The following SBSN variants were observed in gnomAD, a reference collection of about 807,000 sequenced individuals.
SBSN encodes the protein suprabasin, also known as HLAR698.
SBSN carries 33 observed loss-of-function variants against 42.8 expected under a neutral mutation model. That is an observed-to-expected ratio of 0.77 (90% confidence interval 0.58 to 1.03). The LOEUF is 1.03. Ranked by LOEUF, SBSN falls within the 50% of genes least tolerant of loss-of-function variation. SBSN has a pLI of 0.00. For missense variants in SBSN, 646 were observed against 757.3 expected, an observed-to-expected ratio of 0.85 and a Z score of 1.72; for synonymous variants, 276 against 307.0, an observed-to-expected ratio of 0.90 and a Z score of 1.06.
rs756463723 is a variant in SBSN, at chr19:35,528,304, A to G, written c.-23T>C. 6.3e-6 allele frequency: 10 copies of G among 1,577,228 alleles called. No homozygotes were observed. The East Asian group carries it at 2.0e-4, about 32-fold the overall frequency. ...CATATTGCTGGGAAGGTCGGGAAGG[A>G]TGCAGAGAGGAGCCAGGGAAGCCAC... On this transcript the variant is annotated 5_prime_UTR_variant, in exon 1 of 4. Transcript: ENST00000452271.
chr19:35,526,862 C>G lies in SBSN; in HGVS notation c.1420G>C (p.Asp474His). 1 of 1,613,690 alleles carries G rather than the reference C, an allele frequency of 6.2e-7. No homozygotes were observed. Among genetic ancestry groups the G allele is most frequent in the Non-Finnish European group, 8.5e-7 (1 of 1,179,904 alleles). The stretch of plus-strand genomic sequence containing the variant: ...GTGTGGAACCCTTGGACCGCTTTGT[C>G]TGCTTCCTTCCCGGCCTGTTCAAGG... ...HTLEQAGKEA[D>H]KAVQGFHTGV... The change falls in exon 1 of 4, where the codon GAC becomes CAC. Residue 474 changes from aspartate to histidine, a missense_variant. Asp to His is a moderately conservative substitution (Grantham distance 81). Transcript: ENST00000452271.
rs956867033 is a variant in SBSN at position 35,525,094 on chromosome 19, C to T, written c.1639-170G>A. On this transcript the variant is annotated intron_variant, in intron 1 of 3. Coordinates refer to ENST00000452271, the MANE Select transcript of SBSN (RefSeq NM_001166034.2). The stretch of plus-strand genomic sequence containing the variant: ...GAAGAAAACCCAAAGCCCGTGCTCG[C>T]GTGGGCATTCTGCCTCCTGCTGCCT... 3.3e-5 allele frequency among the ~76,000 whole-genome samples: 5 copies of T among 152,186 alleles called. No individual in the cohort carries two copies. The South Asian group carries it at 6.2e-4, about 19-fold the overall frequency.
At position 35,524,742 on chromosome 19, in the gene SBSN, G is replaced by A. The variant is rs772776789; in HGVS notation, c.1718C>T (p.Thr573Met). 1.6e-5 allele frequency: 26 copies of A among 1,614,008 alleles called. No individual in the cohort carries two copies. The highest frequency in any genetic ancestry group is 2.7e-5 in the African/African-American group (2 of 74,992). ...CAGGGCGGGAAGGTTGATGAAAGGCGTGTTGACCGAGGCCTGCAATTCAAG... is the reference window on the plus strand; with the variant it reads ...CAGGGCGGGAAGGTTGATGAAAGGCATGTTGACCGAGGCCTGCAATTCAAG... ...TPLASGASVN[T>M]PFINLPALWR... Residue 573 changes from threonine (T) to methionine (M), a missense_variant, in exon 3 of 4, where the codon ACG becomes ATG. Physicochemically the swap from Thr to Met is moderately conservative, Grantham distance 81. Transcript: ENST00000452271.
rs12461911 is a variant in SBSN at position 35,527,370 on chromosome 19, C to T, written c.912G>A (p.Ala304=). Residue 304 remains alanine (A), a synonymous_variant, in exon 1 of 4, where the codon GCG becomes GCA. Transcript: ENST00000452271. ...EKFGQGAHHA[A]GQAGNEAGRF... ...TCCCTGCCTCATTTCCGGCCTGCCC[C>T]GCAGCATGGTGGGCCCCCTGGCCAA... 221,302 of 1,468,596 alleles carry T rather than the reference C, an allele frequency of 0.15. 21,630 individuals carry two copies. Among genetic ancestry groups the T allele is most frequent in the East Asian group, 0.41 (15,266 of 37,394 alleles). The allele number at this position is 1,468,596 out of a possible 1,614,324, so 91.0% of individuals were successfully genotyped here.
In SBSN at chr19:35,526,943, C is replaced by A; in HGVS notation, c.1339G>T (p.Gly447Trp). 1 of 1,582,998 alleles carries A rather than the reference C, an allele frequency of 6.3e-7. No individual in the cohort carries two copies. Among genetic ancestry groups the A allele is most frequent in the East Asian group, 2.3e-5 (1 of 43,146 alleles). The part of the protein sequence containing the change: ...GDIAVHGVQP[G>W]VHEAGKEAGQ... The stretch of plus-strand genomic sequence containing the variant: ...GCCTCCTTCCCGGCCTCGTGGACCC[C>A]AGGTTGGACACCATGAACTGCTATG... The change falls in exon 1 of 4, where the codon GGG becomes TGG. Residue 447 changes from glycine (G) to tryptophan (W), a missense_variant. Coordinates refer to ENST00000452271, the MANE Select transcript of SBSN (RefSeq NM_001166034.2).
Position 35,526,691 on chromosome 19 carries a change from G to C in SBSN, c.1591C>G (p.His531Asp). The change falls in exon 1 of 4, where the codon CAT (histidine) becomes GAT (aspartate). Residue 531 changes from histidine to aspartate, a missense_variant. His to Asp is a moderately conservative substitution (Grantham distance 81, BLOSUM62 -1). This residue lies in a region of SBSN where 236 missense variants were observed against 225.6 expected (regional missense o/e 1.05). Coordinates refer to ENST00000452271, the MANE Select transcript of SBSN (RefSeq NM_001166034.2). Reference protein sequence around the residue: ...GQAGKELQNAHNGVNQASKEA... With the variant: ...GQAGKELQNADNGVNQASKEA... Reference sequence around the variant, plus strand: ...TTGCTGGCTTGGTTGACCCCATTATGAGCATTCTGCAGCTCCTTCCCGGCC... The same window carrying C: ...TTGCTGGCTTGGTTGACCCCATTATCAGCATTCTGCAGCTCCTTCCCGGCC... The C allele has an allele frequency of 6.8e-7, 1 of 1,472,558 alleles. No individual in the cohort carries two copies. The highest frequency in any genetic ancestry group is 9.1e-7 in the Non-Finnish European group (1 of 1,094,278). The allele number at this position is 1,472,558 out of a possible 1,614,324, so 91.2% of individuals were successfully genotyped here.
At position 35,524,663 on chromosome 19, in the gene SBSN, G is replaced by C. The variant is rs778061157; in HGVS notation, c.1749+48C>G. The C allele has an allele frequency of 3.7e-6, 6 of 1,600,890 alleles. No individual in the cohort carries two copies. The African/African-American group carries it at 6.7e-5, about 18-fold the overall frequency. ...ACACCGGGAAGGGGTCGGGGTGAGCGTATCTATCAGGACGCAGAGCAGAAA... is the reference window on the plus strand; with the variant it reads ...ACACCGGGAAGGGGTCGGGGTGAGCCTATCTATCAGGACGCAGAGCAGAAA... On this transcript the variant is annotated intron_variant, in intron 3 of 3. Transcript: ENST00000452271.
At position 35,526,881 on chromosome 19, in the gene SBSN, TTCAA is replaced by T; in HGVS notation, c.1397_1400del (p.Leu466HisfsTer79). 6.2e-7 allele frequency: 1 copy of T among 1,612,810 alleles called. No individual in the cohort carries two copies. The highest frequency in any genetic ancestry group is 1.1e-5 in the South Asian group (1 of 90,960). ...CTTTGTCTGCTTCCTTCCCGGCCTG[TTCAA>T]GGGTATGGTGAACTCCCTGGCCAAA... On this transcript the variant is annotated frameshift_variant, in exon 1 of 4. Transcript: ENST00000452271. LOFTEE classifies it high-confidence loss of function.
chr19:35,525,340 C>A (rs746139478), intron 1 of SBSN, among the ~76,000 whole-genome samples: 2 of 152,146 alleles, frequency 1.3e-5, no homozygotes, highest in East Asian at 1.9e-4. Context: ...CAGCCATGCA[C>A]CCCAGCAGTG....
In SBSN at chr19:35,527,758, T is replaced by C. The variant is rs760999420; in HGVS notation, c.524A>G (p.His175Arg). 2 of 1,582,996 alleles carry C rather than the reference T, an allele frequency of 1.3e-6. No individual in the cohort carries two copies. Among genetic ancestry groups the C allele is most frequent in the South Asian group, 2.2e-5 (2 of 89,500 alleles). Reference sequence around the variant, plus strand: ...ATTTCCGGCCTGCCCTGCAGCATGGTGGACTCCCTGGCCAAACCTCCCAGC... The same window carrying C: ...ATTTCCGGCCTGCCCTGCAGCATGGCGGACTCCCTGGCCAAACCTCCCAGC... ...NEAGRFGQGV[H>R]HAAGQAGNEA... Residue 175 changes from histidine (H) to arginine (R), a missense_variant, in exon 1 of 4, where the codon CAC (histidine) becomes CGC (arginine). Transcript: ENST00000452271.
chr19:35,524,670 T>C (rs1335405813), intron 3 of SBSN, 41 bp downstream of exon 3: 1 of 1,610,124 alleles, frequency 6.2e-7, no homozygotes, highest in African/African-American at 1.3e-5. Context: ...AGCGTATCTA[T>C]CAGGACGCAG....
In SBSN at chr19:35,526,848, T is replaced by C; in HGVS notation, c.1434A>G (p.Gln478=). ...QAGKEADKAV[Q]GFHTGVHQAG... is the part of the protein sequence containing the mutation. ...CCTGGTGGACCCCAGTGTGGAACCC[T>C]TGGACCGCTTTGTCTGCTTCCTTCC... is the stretch of plus-strand genomic sequence containing the variant. The change falls in exon 1 of 4, where the codon CAA becomes CAG. Residue 478 remains glutamine (Q), a synonymous_variant. Coordinates refer to ENST00000452271, the MANE Select transcript of SBSN (RefSeq NM_001166034.2). The C allele has an allele frequency of 1.2e-6, 2 of 1,612,422 alleles. No individual in the cohort carries two copies. Among genetic ancestry groups the C allele is most frequent in the Non-Finnish European group, 1.7e-6 (2 of 1,179,528 alleles).
chr19:35,526,191 G>T (rs1019460691), intron 1 of SBSN, among the ~76,000 whole-genome samples: 2 of 152,146 alleles, frequency 1.3e-5, no homozygotes, highest in Non-Finnish European at 2.9e-5. Flanking sequence ...ACATCAGAGG[G>T]TAGTTACAAA....
chr19:35,523,863 C>T (rs759701767), intron 3 of SBSN, among the ~76,000 whole-genome samples: 3 of 152,182 alleles, frequency 2.0e-5, no homozygotes, highest in Non-Finnish European at 4.4e-5. Context: ...TGCACCAGGT[C>T]TCGGGCAGCA....
In SBSN at chr19:35,523,553, C is replaced by T. The variant is rs925184406; in HGVS notation, c.1750-20G>A. ...GACGCTCTGGAAGAGAGAAGGAGAG[C>T]AGGGGTGAATGTAGGGTCCACAGTC... is the stretch of plus-strand genomic sequence containing the variant. On this transcript the variant is annotated intron_variant, in intron 3 of 3. Coordinates refer to ENST00000452271, the MANE Select transcript of SBSN (RefSeq NM_001166034.2). 28 of 1,613,866 alleles carry T rather than the reference C, an allele frequency of 1.7e-5. 1 individual carries two copies. In the African/African-American group the frequency reaches 3.1e-4, roughly 18 times the overall value.
Position 35,528,009 on chromosome 19 carries a change from G to A in SBSN, c.273C>T (p.Asn91=). 1 of 1,613,812 alleles carries A rather than the reference G, an allele frequency of 6.2e-7. No individual in the cohort carries two copies. The highest frequency in any genetic ancestry group is 1.1e-5 in the South Asian group (1 of 91,072). Reference sequence around the variant, plus strand: ...CATGGGCAACCTTGTCCATGCCGTGGTTGAGCCCCTGGACGCCTTTGTCCA... The same window carrying A: ...CATGGGCAACCTTGTCCATGCCGTGATTGAGCCCCTGGACGCCTTTGTCCA... ...KELDKGVQGL[N]HGMDKVAHEI... is the part of the protein sequence containing the mutation. The change falls in exon 1 of 4, where the codon AAC becomes AAT. Residue 91 remains asparagine (N), a synonymous_variant. Coordinates refer to ENST00000452271, the MANE Select transcript of SBSN (RefSeq NM_001166034.2).
chr19:35,525,828 G>A (rs2071364279), intron 1 of SBSN, among the ~76,000 whole-genome samples: 3 of 152,184 alleles, frequency 2.0e-5, no homozygotes, highest in East Asian at 3.9e-4. Context: ...GATTAGAGGC[G>A]CCAGCCACCA....
At chr19:35,525,027 C>T (rs752176892) in intron 1 of SBSN, 103 bp from the exon 2 acceptor site, 10 of 1,216,234 alleles carry the variant, frequency 8.2e-6, no homozygotes, top group Admixed American at 2.0e-5. Flanking sequence ...ACTGGGGCTG[C>T]GGTGGGAGGC....
At position 35,524,771 on chromosome 19, in the gene SBSN, A is replaced by G; in HGVS notation, c.1705-16T>C. 3.1e-6 allele frequency: 5 copies of G among 1,613,980 alleles called. No individual in the cohort carries two copies. The highest frequency in any genetic ancestry group is 4.2e-6 in the Non-Finnish European group (5 of 1,179,954). ...TGACCGAGGCCTGCAATTCAAGGAC[A>G]AGAAGGTCAGTCTCCAGCGTCTGAC... On this transcript the variant is annotated splice_polypyrimidine_tract_variant and intron_variant, in intron 2 of 3. Coordinates refer to ENST00000452271, the MANE Select transcript of SBSN (RefSeq NM_001166034.2).
Sources: gnomAD v4.1 joint callset for allele counts (sites outside exome capture counted in the v4.1 genomes callset) on GRCh38, gnomAD v4.1.1 for gene constraint, gnomAD v4.1.1 regional missense constraint, MANE v1.5 for transcripts, NCBI Gene and HGNC (gene_info 2026-07-23, HGNC 2026-07-21) for gene names.